The following AAMDC variants were observed in gnomAD, a reference collection of about 807,000 sequenced individuals.
AAMDC encodes the protein mth938 domain-containing protein.
A neutral mutation model predicts 15.5 loss-of-function variants in AAMDC; 16 were observed. The observed-to-expected ratio is 1.03, with a 90% CI of 0.70 to 1.57. The LOEUF is 1.57. AAMDC is among the 40% of genes most tolerant of loss of function. The pLI is 0.00. For missense variants in AAMDC, 141 were observed against 144.9 expected (o/e 0.97, Z 0.14); for synonymous variants, 51 against 51.6 (o/e 0.99, Z 0.05).
intron 5 of AAMDC, among the ~76,000 whole-genome samples, chr11:77,885,166 C>T (rs1188334812): frequency 1.3e-5 from 2 of 152,106 alleles, no homozygotes; most frequent in East Asian, 1.9e-4. Context: ...CAACCTCCGC[C>T]TCCCGGGTTA....
chr11:77,847,565 G>T (rs988877405), intron 2 of AAMDC, among the ~76,000 whole-genome samples: 3 of 152,170 alleles, frequency 2.0e-5, no homozygotes, highest in Non-Finnish European at 4.4e-5. Context: ...AGATATAGAA[G>T]GGACAGAATG....
chr11:77,841,003 A>G (rs919767413), intron 1 of AAMDC: 2 of 516,848 alleles, frequency 3.9e-6, no homozygotes, highest in South Asian at 3.5e-5. Flanking sequence ...AATGAAAATA[A>G]TTTTTTTTCT....
chr11:77,892,052 C>T (rs998682818), intron 5 of AAMDC, among the ~76,000 whole-genome samples: 2 of 152,152 alleles, frequency 1.3e-5, no homozygotes, highest in Non-Finnish European at 2.9e-5. Context: ...CCATTATGTG[C>T]CAGGCATACT....
chr11:77,825,522 CT>C (rs1459966398), intron 1 of AAMDC, among the ~76,000 whole-genome samples: 1 of 152,076 alleles, frequency 6.6e-6, no homozygotes, highest in Non-Finnish European at 1.5e-5. Flanking sequence ...GGAATCTCTA[CT>C]CTTTGAGATA....
At chr11:77,903,764 G>A (rs1952853146), downstream of AAMDC, 3 of 648,272 alleles carry the variant, frequency 4.6e-6, no homozygotes, top group South Asian at 1.9e-5. Flanking sequence ...CCAATAAGCT[G>A]TATCTATTAT....
chr11:77,895,089 T>C (rs1053597605), intron 5 of AAMDC, among the ~76,000 whole-genome samples: 13 of 152,142 alleles, frequency 8.5e-5, no homozygotes, highest in Admixed American at 2.0e-4. Context: ...CTTGAATTAC[T>C]TGGCCTCACA....
At chr11:77,837,727 C>T (rs555702760) in intron 1 of AAMDC, among the ~76,000 whole-genome samples, 21 of 152,266 alleles carry the variant, frequency 1.4e-4, no homozygotes, top group East Asian at 7.7e-4. Flanking sequence ...TGAACCACCA[C>T]GCCCAGCCCT....
At chr11:77,891,243 C>T in intron 5 of AAMDC, 1 of 1,424,234 alleles carries the variant, frequency 7.0e-7, no homozygotes, top group Non-Finnish European at 9.7e-7. Context: ...CAAGTAGAGA[C>T]TACAGGGGTG....
intron 5 of AAMDC, among the ~76,000 whole-genome samples, chr11:77,884,540 C>T (rs1302611548): frequency 6.6e-6 from 1 of 152,152 alleles, no homozygotes; most frequent in Non-Finnish European, 1.5e-5. Context: ...CTGCAGCGCA[C>T]AAAGGAACTA....
At chr11:77,880,648 T>C (rs1252914493) in intron 5 of AAMDC, among the ~76,000 whole-genome samples, 4 of 152,130 alleles carry the variant, frequency 2.6e-5, no homozygotes, top group Non-Finnish European at 4.4e-5. Flanking sequence ...CCAGTTGGCA[T>C]AGCACTTTCA....
At chr11:77,838,858 C>T (rs112751323) in intron 1 of AAMDC, among the ~76,000 whole-genome samples, 1,525 of 152,176 alleles carry the variant, frequency 0.01, 23 homozygotes, top group African/African-American at 0.033. Context: ...CCTCGTGATC[C>T]GCCCACCTGG....
intron 2 of AAMDC, among the ~76,000 whole-genome samples, chr11:77,849,346 T>A (rs1451235217): frequency 6.6e-6 from 1 of 152,156 alleles, no homozygotes; most frequent in African/African-American, 2.4e-5. Context: ...CTCAGCCTCC[T>A]GAGTAGCTGG....
rs77714576 is a variant in AAMDC, at chr11:77,889,682, A to T, written c.329-10889A>T. On this transcript the variant is annotated intron_variant, in intron 5 of 5. Transcript: ENST00000304716. ...CATGTTTACTGCTATATCTCTATTG[A>T]GCACCTGAAGTAGTGCCTGGAACAG... Among the ~76,000 whole-genome samples, 1,227 of 152,292 alleles carry T rather than the reference A, an allele frequency of 8.1e-3. 18 individuals carry two copies. Among genetic ancestry groups the T allele is most frequent in the African/African-American group, 0.029 (1,195 of 41,542 alleles).
chr11:77,827,995 C>A (rs935800620), intron 1 of AAMDC, among the ~76,000 whole-genome samples: 1 of 152,096 alleles, frequency 6.6e-6, no homozygotes, highest in Admixed American at 6.5e-5. Context: ...GAAATCAGAC[C>A]AGGCACAGTG....
chr11:77,827,634 T>C (rs1320302885), intron 1 of AAMDC, among the ~76,000 whole-genome samples: 1 of 152,216 alleles, frequency 6.6e-6, no homozygotes, highest in Non-Finnish European at 1.5e-5. Flanking sequence ...TTCAGCCTGA[T>C]TAAGAGCATT....
chr11:77,842,057 TC>T (rs1349372184), intron 1 of AAMDC, among the ~76,000 whole-genome samples: 1 of 152,202 alleles, frequency 6.6e-6, no homozygotes, highest in Non-Finnish European at 1.5e-5. Context: ...AATTCAGCGA[TC>T]TTCATGAATA....
At chr11:77,833,124 C>A (rs1018161972) in intron 1 of AAMDC, among the ~76,000 whole-genome samples, 1 of 150,376 alleles carries the variant, frequency 6.6e-6, no homozygotes, top group Non-Finnish European at 1.5e-5. Flanking sequence ...AATTCTCCTG[C>A]CTCGGCTTTG....
intron 5 of AAMDC, among the ~76,000 whole-genome samples, chr11:77,878,178 T>C (rs12793631): frequency 0.23 from 35,346 of 151,612 alleles, 5,146 homozygotes; most frequent in East Asian, 0.4. Context: ...CTGGCTAACA[T>C]GGTGAAACCC....
At chr11:77,904,529 C>T (rs1034126303), downstream of AAMDC, among the ~76,000 whole-genome samples, 2 of 152,186 alleles carry the variant, frequency 1.3e-5, no homozygotes, top group Admixed American at 1.3e-4. Context: ...GTGTATTTTG[C>T]ACTTAATAAC....
Sources: allele counts gnomAD v4.1 joint callset (sites outside exome capture counted in the v4.1 genomes callset), GRCh38; gene constraint gnomAD v4.1.1; transcripts MANE v1.5; gene names NCBI Gene and HGNC (gene_info 2026-07-23, HGNC 2026-07-21).